GDF1: variants seen among roughly 807,000 people sequenced by gnomAD.
GDF1 encodes growth differentiation factor 1.
Under a neutral mutation model 7.4 loss-of-function variants are expected in GDF1, and 8 were observed. The observed-to-expected ratio is 1.09, with a 90% CI of 0.64 to 1.96. GDF1 has a LOEUF of 1.96. GDF1 is among the 30% of genes most tolerant of loss of function. The probability of loss-of-function intolerance (pLI) is 0.00; values close to 1 mark genes in which losing one functional copy is unlikely to be tolerated. For missense variants in GDF1, 574 were observed against 551.5 expected, an observed-to-expected ratio of 1.04 and a Z score of -0.41; for synonymous variants, 311 against 276.7, an observed-to-expected ratio of 1.12 and a Z score of -1.23.
At position 18,868,827 on chromosome 19, in the gene GDF1, G is replaced by A. The variant is rs1466604623; in HGVS notation, c.889C>T (p.Gln297Ter). The A allele has an allele frequency of 1.4e-6, 2 of 1,456,056 alleles. No individual in the cohort carries two copies. The highest frequency in any genetic ancestry group is 4.3e-5 in the Admixed American group (2 of 46,700). The allele number at this position is 1,456,056 out of a possible 1,614,324, so 90.2% of individuals were successfully genotyped here. A position where few individuals can be genotyped will look rare whatever the true frequency, so the allele number is the denominator to read the frequency against. The change falls in exon 8 of 8, where the codon CAG (glutamine) becomes TAG (stop). Residue 297 changes from glutamine (Q) to a stop codon, truncating the protein, a stop_gained. Coordinates refer to ENST00000247005, the MANE Select transcript of GDF1 (RefSeq NM_001492.6). LOFTEE classifies it low-confidence loss of function (END_TRUNC). Reference sequence around the variant, plus strand: ...GCGACGGGCAGCGCGCACTGACCCTGGCAGTAGTTGGCCAGGAAGCCGCGC... The same window carrying A: ...GCGACGGGCAGCGCGCACTGACCCTAGCAGTAGTTGGCCAGGAAGCCGCGC... Reference protein sequence around the residue: ...APRGFLANYCQGQCALPVALS... With the variant: ...APRGFLANYC
Position 18,878,802 on chromosome 19 carries a change from A to G in GDF1, c.-313+128T>C. Reference sequence around the variant, plus strand: ...GCCTTTATTGCAGTCTCTGTTTTGGAGTAGGCTTGGGGGGCAGCATCCGCG... The same window carrying G: ...GCCTTTATTGCAGTCTCTGTTTTGGGGTAGGCTTGGGGGGCAGCATCCGCG... On this transcript the variant is annotated intron_variant, in intron 6 of 7. Coordinates refer to ENST00000247005, the MANE Select transcript of GDF1 (RefSeq NM_001492.6). This position sits in a 1 kb window ranked among gnomAD's most constrained non-coding sequence, Gnocchi z 4.6. 2 of 1,478,730 alleles carry G rather than the reference A, an allele frequency of 1.4e-6. No individual in the cohort carries two copies. The highest frequency in any genetic ancestry group is 2.5e-5 in the East Asian group (1 of 40,124). 91.6% of individuals were successfully genotyped at this position (1,478,730 alleles called of 1,614,324 possible). A position where few individuals can be genotyped will look rare whatever the true frequency, so the allele number is the denominator to read the frequency against.
At chr19:18,884,000 G>C in intron 3 of GDF1, 87 bp downstream of exon 3, 1 of 1,400,276 alleles carries the variant, frequency 7.1e-7, no homozygotes, top group Middle Eastern at 2.0e-4. Flanking sequence ...TCCCCTCCAC[G>C]GCCTCCTCTG....
At position 18,887,711 on chromosome 19, in the gene GDF1, T is replaced by A. The variant is rs922819735; in HGVS notation, c.-913-3444A>T. Among the ~76,000 whole-genome samples, 44 of 140,270 alleles carry A rather than the reference T, an allele frequency of 3.1e-4. 1 individual carries two copies. Among genetic ancestry groups the A allele is most frequent in the Admixed American group, 3.2e-4 (4 of 12,638 alleles). The allele number at this position is 140,270 out of a possible 152,430, so 92.0% of individuals were successfully genotyped here. A position where few individuals can be genotyped will look rare whatever the true frequency, so the allele number is the denominator to read the frequency against. On this transcript the variant is annotated intron_variant, in intron 2 of 7. Transcript: ENST00000247005. ...GTGAGCCGAGATCACACCACTGCAC[T>A]CCAGCCTGGGCAGCAAGAGTGAAAC... is the stretch of plus-strand genomic sequence containing the variant.
Position 18,895,806 on chromosome 19 carries a change from G to GC in GDF1, c.-1074+17dup. 1.6e-6 allele frequency: 2 copies of GC among 1,223,218 alleles called. No homozygotes were observed. The highest frequency in any genetic ancestry group is 2.1e-6 in the Non-Finnish European group (2 of 973,154). 75.8% of individuals were successfully genotyped at this position (1,223,218 alleles called of 1,614,324 possible). A position where few individuals can be genotyped will look rare whatever the true frequency, so the allele number is the denominator to read the frequency against. On this transcript the variant is annotated intron_variant, in intron 1 of 7. Coordinates refer to ENST00000247005, the MANE Select transcript of GDF1 (RefSeq NM_001492.6). This position sits in a 1 kb window ranked among gnomAD's most constrained non-coding sequence, Gnocchi z 6.4. ...CCCAGTCCGGGGTCCCCTCGTCCCG[G>GC]CCCCCGGCCACACTGACCCGAAAGA...
intron 2 of GDF1, among the ~76,000 whole-genome samples, chr19:18,890,253 C>T (rs867054341): frequency 6.6e-6 from 1 of 152,198 alleles, no homozygotes; most frequent in Admixed American, 6.5e-5. Context: ...CCCTCCCCAC[C>T]TCCCCAACAC....
At chr19:18,877,336 G>A (rs1555703833) in intron 6 of GDF1, among the ~76,000 whole-genome samples, 3 of 152,296 alleles carry the variant, frequency 2.0e-5, no homozygotes, top group East Asian at 1.9e-4. Flanking sequence ...TCCCCACCAT[G>A]AGCTCACTGT....
chr19:18,891,895 C>CT lies in GDF1; in HGVS notation c.-914+1520dup, dbSNP rs78480061. Among the ~76,000 whole-genome samples the CT allele has an allele frequency of 2.6e-3, 350 of 132,774 alleles. 2 individuals are homozygous for CT. Among genetic ancestry groups the CT allele is most frequent in the Middle Eastern group, 4.4e-3 (1 of 226 alleles). 87.1% of individuals were successfully genotyped at this position (132,774 alleles called of 152,430 possible). ...CGCCCAGCCCACTTCTCATTCTCAT[C>CT]TTTTTTTTTTTTTTTGGAAATGAAG... On this transcript the variant is annotated intron_variant, in intron 2 of 7. Transcript: ENST00000247005.
intron 6 of GDF1, among the ~76,000 whole-genome samples, chr19:18,876,068 T>G (rs1374639516): frequency 1.2e-4 from 19 of 152,226 alleles, no homozygotes; most frequent in Non-Finnish European, 1.5e-5. Flanking sequence ...CACTGCAACC[T>G]CTGCCTCCCG....
chr19:18,881,241 CAG>C (rs775613560), intron 3 of GDF1, among the ~76,000 whole-genome samples: 2 of 147,282 alleles, frequency 1.4e-5, no homozygotes, highest in Non-Finnish European at 3.0e-5. Flanking sequence ...TTTTTTGAGA[CAG>C]AGTCTTGCTC....
At chr19:18,894,573 G>A (rs80011783) in intron 1 of GDF1, among the ~76,000 whole-genome samples, 16,270 of 152,098 alleles carry the variant, frequency 0.11, 963 homozygotes, top group Middle Eastern at 0.12. Flanking sequence ...CTCCTGTCCC[G>A]CAGGGGTGGG....
chr19:18,879,181 G>T, intron 5 of GDF1, 60 bp downstream of exon 5: 1 of 1,607,728 alleles, frequency 6.2e-7, no homozygotes, highest in Non-Finnish European at 8.5e-7. Flanking sequence ...CCTGAGGAGG[G>T]GACAGGGATT....
Position 18,896,115 on chromosome 19 carries a change from C to G in GDF1, c.-1365G>C, listed in dbSNP as rs970183767. 39 of 784,502 alleles carry G rather than the reference C, an allele frequency of 5.0e-5. No homozygotes were observed. In the African/African-American group the frequency reaches 5.7e-4, roughly 11 times the overall value. The allele number at this position is 784,502 out of a possible 1,614,324, so 48.6% of individuals were successfully genotyped here. A position where few individuals can be genotyped will look rare whatever the true frequency, so the allele number is the denominator to read the frequency against. ...CGTGCCCGTCGCCTGCGCCCGCCCGCGGTAGCCGACGGAGCCGCGCGCCCC... is the reference window on the plus strand; with the variant it reads ...CGTGCCCGTCGCCTGCGCCCGCCCGGGGTAGCCGACGGAGCCGCGCGCCCC... On this transcript the variant is annotated 5_prime_UTR_variant, in exon 1 of 8. Transcript: ENST00000247005. This position sits in a 1 kb window ranked among gnomAD's most constrained non-coding sequence, Gnocchi z 5.9.
Position 18,870,085 on chromosome 19 carries a change from T to C in GDF1, c.223A>G (p.Arg75Gly). 1 of 1,579,526 alleles carries C rather than the reference T, an allele frequency of 6.3e-7. No homozygotes were observed. Among genetic ancestry groups the C allele is most frequent in the Non-Finnish European group, 8.6e-7 (1 of 1,167,456 alleles). ...LFRRRDPQET[R>G]SGSRRTSPGV... ...GGGGACGTCCGCCGCGAGCCAGACC[T>C]GGTCTCCTGGGGGTCCCGGCGTCGA... is the stretch of plus-strand genomic sequence containing the variant. Residue 75 changes from arginine to glycine, a missense_variant, in exon 7 of 8, where the codon AGG becomes GGG. Arg to Gly is a moderately radical substitution (Grantham distance 125). Coordinates refer to ENST00000247005, the MANE Select transcript of GDF1 (RefSeq NM_001492.6). The surrounding 1 kb of genome is among the most constrained non-coding windows in gnomAD (Gnocchi z 5.1).
At chr19:18,873,115 T>C (rs2056003825) in intron 6 of GDF1, among the ~76,000 whole-genome samples, 1 of 152,122 alleles carries the variant, frequency 6.6e-6, no homozygotes, top group Non-Finnish European at 1.5e-5. Flanking sequence ...CCCTGGGCTC[T>C]TGCAAGGGTT....
At position 18,868,795 on chromosome 19, in the gene GDF1, C is replaced by A; in HGVS notation, c.921G>T (p.Ser307=). Residue 307 remains serine (S), a synonymous_variant, in exon 8 of 8, where the codon TCG becomes TCT. Coordinates refer to ENST00000247005, the MANE Select transcript of GDF1 (RefSeq NM_001492.6). The part of the protein sequence containing the change: ...QGQCALPVAL[S]GSGGPPALNH... Reference sequence around the variant, plus strand: ...TGAGCGCCGGCGGCCCCCCGGACCCCGACAGCGCGACGGGCAGCGCGCACT... The same window carrying A: ...TGAGCGCCGGCGGCCCCCCGGACCCAGACAGCGCGACGGGCAGCGCGCACT... 1 of 1,457,730 alleles carries A rather than the reference C, an allele frequency of 6.9e-7. No individual in the cohort carries two copies. The highest frequency in any genetic ancestry group is 9.1e-7 in the Non-Finnish European group (1 of 1,094,878). The allele number at this position is 1,457,730 out of a possible 1,614,324, so 90.3% of individuals were successfully genotyped here. A position where few individuals can be genotyped will look rare whatever the true frequency, so the allele number is the denominator to read the frequency against.
At chr19:18,875,219 G>C (rs2056039218) in intron 6 of GDF1, among the ~76,000 whole-genome samples, 1 of 150,690 alleles carries the variant, frequency 6.6e-6, no homozygotes, top group Non-Finnish European at 1.5e-5. Flanking sequence ...GTGGGCGACA[G>C]AGTGGGACCG....
chr19:18,884,034 C>T lies in GDF1; in HGVS notation c.-733+53G>A, dbSNP rs897183415. On this transcript the variant is annotated intron_variant, in intron 3 of 7. Coordinates refer to ENST00000247005, the MANE Select transcript of GDF1 (RefSeq NM_001492.6). The stretch of plus-strand genomic sequence containing the variant: ...TGTGCCCCGCCGCAACATCAGCCTC[C>T]GCACTCTGTGTGGGCTGTGCCTCGG... The T allele has an allele frequency of 2.6e-5, 41 of 1,566,782 alleles. No homozygotes were observed. In the Admixed American group the frequency reaches 3.4e-4, roughly 13 times the overall value.
rs1412406282 is a variant in GDF1 at position 18,870,313 on chromosome 19, T to C, written c.-6A>G. 6.5e-7 allele frequency: 1 copy of C among 1,544,724 alleles called. No individual in the cohort carries two copies. Among genetic ancestry groups the C allele is most frequent in the Non-Finnish European group, 8.7e-7 (1 of 1,146,246 alleles). On this transcript the variant is annotated 5_prime_UTR_variant, in exon 7 of 8. Coordinates refer to ENST00000247005, the MANE Select transcript of GDF1 (RefSeq NM_001492.6). The surrounding 1 kb of genome is among the most constrained non-coding windows in gnomAD (Gnocchi z 5.1). ...CCTTGCTGCGGCGGTGGCATCTTCC[T>C]CCCAGGCGATGACCAGAGAGTGCGC...
intron 6 of GDF1, among the ~76,000 whole-genome samples, chr19:18,874,310 T>C (rs1326516547): frequency 1.3e-5 from 2 of 152,164 alleles, no homozygotes; most frequent in African/African-American, 4.8e-5. Context: ...CAGTTTTCTA[T>C]TTTTATTTTT....
Sources: allele counts gnomAD v4.1 joint callset (sites outside exome capture counted in the v4.1 genomes callset), GRCh38; gene constraint gnomAD v4.1.1; non-coding constraint Gnocchi (gnomAD v3.1); transcripts MANE v1.5; gene names NCBI Gene and HGNC (gene_info 2026-07-23, HGNC 2026-07-21).